The following STK39 variants were observed in gnomAD, a reference collection of about 807,000 sequenced individuals.
STK39 encodes serine/threonine kinase 39.
In STK39, 20 loss-of-function variants were observed where a neutral mutation model predicts 77.8. That is an observed-to-expected ratio of 0.26 (90% CI 0.18 to 0.37). STK39 has a LOEUF of 0.37. Ranked by LOEUF, STK39 falls within the 10% of genes least tolerant of loss-of-function variation. The pLI is 1.00. For missense variants in STK39, 479 were observed against 656.5 expected, an observed-to-expected ratio of 0.73 and a Z score of 2.95; for synonymous variants, 246 against 234.1, an observed-to-expected ratio of 1.05 and a Z score of -0.47.
intron 14 of STK39, among the ~76,000 whole-genome samples, chr2:168,027,725 T>G (rs1188253170): frequency 6.6e-6 from 1 of 152,170 alleles, no homozygotes; most frequent in Non-Finnish European, 1.5e-5. Flanking sequence ...TAACTGCAGG[T>G]TCTTCTGCAA....
intron 1 of STK39, among the ~76,000 whole-genome samples, chr2:168,191,887 C>G (rs1194312017): frequency 6.6e-6 from 1 of 152,136 alleles, no homozygotes; most frequent in African/African-American, 2.4e-5. Flanking sequence ...AGCTACCACT[C>G]CTTGGGTAGG....
chr2:168,216,991 G>T (rs1291412968), intron 1 of STK39, among the ~76,000 whole-genome samples: 1 of 152,188 alleles, frequency 6.6e-6, no homozygotes, highest in Non-Finnish European at 1.5e-5. Flanking sequence ...CTAGTCCTAG[G>T]TTCTCAGCAG....
At chr2:168,245,823 G>A (rs1033070708) in intron 1 of STK39, among the ~76,000 whole-genome samples, 2 of 152,176 alleles carry the variant, frequency 1.3e-5, no homozygotes, top group African/African-American at 4.8e-5. Flanking sequence ...CATCCCTTTA[G>A]AGTCTTTGGT....
At chr2:168,173,993 G>A (rs10181842) in intron 2 of STK39, among the ~76,000 whole-genome samples, 13,709 of 152,258 alleles carry the variant, frequency 0.09, 834 homozygotes, top group Middle Eastern at 0.14. Flanking sequence ...ATCAACGAAT[G>A]TCCTTTGCCA....
At chr2:168,104,725 C>A (rs971161608) in intron 10 of STK39, among the ~76,000 whole-genome samples, 13 of 152,156 alleles carry the variant, frequency 8.5e-5, no homozygotes, top group African/African-American at 3.1e-4. Flanking sequence ...GTTTTAAAAA[C>A]CATGACATTC....
At chr2:168,125,737 A>G (rs1687523802) in intron 10 of STK39, among the ~76,000 whole-genome samples, 1 of 152,248 alleles carries the variant, frequency 6.6e-6, no homozygotes, top group African/African-American at 2.4e-5. Context: ...TGTTTTGCAT[A>G]CTAAATTACC....
intron 2 of STK39, among the ~76,000 whole-genome samples, chr2:168,178,514 C>T (rs1034474976): frequency 1.3e-5 from 2 of 152,182 alleles, no homozygotes; most frequent in African/African-American, 4.8e-5. Context: ...CTCATATACA[C>T]ACCCAAAAGT....
chr2:168,084,232 AG>A (rs1686311412), intron 10 of STK39, among the ~76,000 whole-genome samples: 1 of 152,206 alleles, frequency 6.6e-6, no homozygotes, highest in African/African-American at 2.4e-5. Flanking sequence ...AGCAGAGCAG[AG>A]GATGTGCTAG....
chr2:168,018,238 G>A (rs1050484245), intron 14 of STK39, among the ~76,000 whole-genome samples: 13 of 152,048 alleles, frequency 8.5e-5, no homozygotes, highest in African/African-American at 2.9e-4. Context: ...AGTGGCTCAC[G>A]CCTGTAATCC....
At chr2:168,227,468 T>A (rs1459537005) in intron 1 of STK39, among the ~76,000 whole-genome samples, 1 of 152,218 alleles carries the variant, frequency 6.6e-6, no homozygotes, top group Non-Finnish European at 1.5e-5. Flanking sequence ...CACATCCGCA[T>A]GAAATCACAC....
At chr2:168,084,472 G>T (rs1455839303) in intron 10 of STK39, among the ~76,000 whole-genome samples, 2 of 152,228 alleles carry the variant, frequency 1.3e-5, no homozygotes, top group Admixed American at 6.5e-5. Flanking sequence ...TGAAATGACT[G>T]TTGTTTTAAG....
chr2:168,199,903 G>A (rs866096208), intron 1 of STK39, among the ~76,000 whole-genome samples: 10 of 152,176 alleles, frequency 6.6e-5, no homozygotes, highest in Admixed American at 2.6e-4. Context: ...AAATTCTTTG[G>A]ACAACAGGTC....
At chr2:167,956,667 GACACACACACACACACAC>G (rs762455680) in intron 17 of STK39, among the ~76,000 whole-genome samples, 24 of 47,922 alleles carry the variant, frequency 5.0e-4, no homozygotes, top group Non-Finnish European at 8.7e-4. Flanking sequence ...CTTGCTTTTA[GACACACACACACACACAC>G]ACACACACAC....
intron 14 of STK39, among the ~76,000 whole-genome samples, chr2:168,054,769 G>A (rs1452023841): frequency 1.0e-4 from 7 of 70,126 alleles, no homozygotes; most frequent in African/African-American, 3.6e-4. Context: ...TTTGGTTGTT[G>A]AAAAAAACAA....
intron 5 of STK39, among the ~76,000 whole-genome samples, chr2:168,153,482 A>G (rs892278754): frequency 2.0e-5 from 3 of 152,188 alleles, no homozygotes; most frequent in African/African-American, 7.2e-5. Flanking sequence ...TCCGATTCAG[A>G]AGGTCTAGGG....
At chr2:168,122,861 T>C (rs1364564677) in intron 10 of STK39, among the ~76,000 whole-genome samples, 2 of 152,314 alleles carry the variant, frequency 1.3e-5, no homozygotes, top group East Asian at 3.9e-4. Flanking sequence ...AGATTAATGA[T>C]TCAATACAGT....
At chr2:168,105,072 T>G (rs1177236711) in intron 10 of STK39, among the ~76,000 whole-genome samples, 1 of 152,218 alleles carries the variant, frequency 6.6e-6, no homozygotes, top group Non-Finnish European at 1.5e-5. Flanking sequence ...GAATAAATAC[T>G]AAGACTGTGT....
At chr2:168,140,004 G>T (rs1687939753) in intron 7 of STK39, among the ~76,000 whole-genome samples, 1 of 152,170 alleles carries the variant, frequency 6.6e-6, no homozygotes, top group Admixed American at 6.5e-5. Context: ...TATCAAAAGA[G>T]TAATGACCAG....
At chr2:168,136,937 C>T (rs1198554083) in intron 8 of STK39, among the ~76,000 whole-genome samples, 1 of 152,112 alleles carries the variant, frequency 6.6e-6, no homozygotes, top group Admixed American at 6.5e-5. Context: ...ATAAATAATT[C>T]AAGATGGCTA....
Sources: allele counts gnomAD v4.1 joint callset (sites outside exome capture counted in the v4.1 genomes callset), GRCh38; gene constraint gnomAD v4.1.1; transcripts MANE v1.5; gene names NCBI Gene and HGNC (gene_info 2026-07-23, HGNC 2026-07-21).